SBK3: variants seen among roughly 807,000 people sequenced by gnomAD.
The protein encoded by SBK3 is SH3 domain binding kinase family member 3.
A neutral mutation model predicts 12.7 loss-of-function variants in SBK3; 16 were observed. That is an observed-to-expected ratio of 1.26 (90% CI 0.86 to 1.92). SBK3 has a LOEUF of 1.92. Ranked by LOEUF, SBK3 falls within the 40% of genes most tolerant of loss-of-function variation. The pLI is 0.00. For missense variants in SBK3, 462 were observed against 481.8 expected, an observed-to-expected ratio of 0.96 and a Z score of 0.38; for synonymous variants, 217 against 213.6, an observed-to-expected ratio of 1.02 and a Z score of -0.14.
chr19:55,543,991 T>C (rs749859236), intron 3 of SBK3, 109 bp downstream of exon 3: 24 of 891,838 alleles, frequency 2.7e-5, no homozygotes, highest in Non-Finnish European at 3.7e-5. Context: ...AGGGTGGAGA[T>C]GGATTGGGCG....
Position 55,545,526 on chromosome 19 carries a change from G to C in SBK3, c.18C>G (p.Ser6=). 2 of 1,534,522 alleles carry C rather than the reference G, an allele frequency of 1.3e-6. No individual in the cohort carries two copies. The highest frequency in any genetic ancestry group is 1.7e-6 in the Non-Finnish European group (2 of 1,146,156). The change falls in exon 1 of 4, where the codon TCC becomes TCG. Residue 6 remains serine (S), a synonymous_variant. Transcript: ENST00000612221. The surrounding 1 kb of genome is among the most constrained non-coding windows in gnomAD (Gnocchi z 4.4). MERRA[S]ETPEDGDPEE... The stretch of plus-strand genomic sequence containing the variant: ...CTGGGTCCCCATCCTCAGGGGTCTC[G>C]GAGGCCCTGCGCTCCATCTCAGGGC...
At chr19:55,544,751 C>T in intron 2 of SBK3, 48 bp downstream of exon 2, 9 of 1,446,704 alleles carry the variant, frequency 6.2e-6, no homozygotes, top group Non-Finnish European at 7.3e-6. Flanking sequence ...TCCGAGAATG[C>T]TTATTGTGGG....
Position 55,545,062 on chromosome 19 carries a change from C to G in SBK3, c.46-113G>C. The G allele has an allele frequency of 1.3e-6, 1 of 774,950 alleles. No individual in the cohort carries two copies. Among genetic ancestry groups the G allele is most frequent in the Non-Finnish European group, 2.0e-6 (1 of 497,522 alleles). 48.0% of individuals were successfully genotyped at this position (774,950 alleles called of 1,614,324 possible). ...GGAGGGTGGGGCAGGGGACAGGGGT[C>G]ACTGTCCCCAGAGAGGAGGATGAGT... On this transcript the variant is annotated intron_variant, in intron 1 of 3. Transcript: ENST00000612221. The surrounding 1 kb of genome is among the most constrained non-coding windows in gnomAD (Gnocchi z 4.4).
intron 2 of SBK3, 112 bp from the exon 3 acceptor site, chr19:55,544,414 C>T (rs1011471658): frequency 4.8e-6 from 4 of 837,126 alleles, no homozygotes; most frequent in African/African-American, 3.4e-5. Flanking sequence ...GCAGCACGGG[C>T]TCCCCTGTCT....
chr19:55,541,494 C>A lies in SBK3; in HGVS notation c.432G>T (p.Val144=). The A allele has an allele frequency of 6.6e-7, 1 of 1,525,060 alleles. No homozygotes were observed. The allele number at this position is 1,525,060 out of a possible 1,614,324, so 94.5% of individuals were successfully genotyped here. Reference sequence around the variant, plus strand: ...AGTCCAGAGCTCCTGCCAACTGGGCCACCACCCGCTTCACCAGCAGTTCTG... The same window carrying A: ...AGTCCAGAGCTCCTGCCAACTGGGCAACCACCCGCTTCACCAGCAGTTCTG... ...GLPELLVKRV[V]AQLAGALDFL... is the part of the protein sequence containing the mutation. The change falls in exon 4 of 4, where the codon GTG becomes GTT. Residue 144 remains valine, a synonymous_variant. Transcript: ENST00000612221. This position sits in a 1 kb window ranked among gnomAD's most constrained non-coding sequence, Gnocchi z 5.3.
rs188792209 is a variant in SBK3 at position 55,544,477 on chromosome 19, C to T, written c.197-175G>A. 2.6e-5 allele frequency among the ~76,000 whole-genome samples: 4 copies of T among 152,250 alleles called. No individual in the cohort carries two copies. The East Asian group carries it at 7.8e-4, about 30-fold the overall frequency. ...TTTGAAGACCCTCCCTGCTCTGCCTCGGACTGCGGCGTGGGCTTGCACAGC... is the reference window on the plus strand; with the variant it reads ...TTTGAAGACCCTCCCTGCTCTGCCTTGGACTGCGGCGTGGGCTTGCACAGC... On this transcript the variant is annotated intron_variant, in intron 2 of 3. Transcript: ENST00000612221.
chr19:55,541,530 A>G lies in SBK3; in HGVS notation c.400-4T>C. 1 of 1,501,594 alleles carries G rather than the reference A, an allele frequency of 6.7e-7. No homozygotes were observed. The highest frequency in any genetic ancestry group is 2.1e-5 in the Admixed American group (1 of 48,328). 93.0% of individuals were successfully genotyped at this position (1,501,594 alleles called of 1,614,324 possible). A position where few individuals can be genotyped will look rare whatever the true frequency, so the allele number is the denominator to read the frequency against. On this transcript the variant is annotated splice_polypyrimidine_tract_variant and splice_region_variant and intron_variant, in intron 3 of 3. Coordinates refer to ENST00000612221, the MANE Select transcript of SBK3 (RefSeq NM_001199824.2). The surrounding 1 kb of genome is among the most constrained non-coding windows in gnomAD (Gnocchi z 5.3). ...TCACCAGCAGTTCTGGGAGGCCCTG[A>G]GGTCAAGAAGACAGGAGGAGGGTCA...
chr19:55,545,464 C>G lies in SBK3; in HGVS notation c.45+35G>C. On this transcript the variant is annotated intron_variant, in intron 1 of 3. Coordinates refer to ENST00000612221, the MANE Select transcript of SBK3 (RefSeq NM_001199824.2). This position sits in a 1 kb window ranked among gnomAD's most constrained non-coding sequence, Gnocchi z 4.4. ...TCCTGCCTCTCTCTCCTTCTTTTCTCTCTCTGTCTTCCTCCCCTGGCTCCC... is the reference window on the plus strand; with the variant it reads ...TCCTGCCTCTCTCTCCTTCTTTTCTGTCTCTGTCTTCCTCCCCTGGCTCCC... 1 of 1,487,858 alleles carries G rather than the reference C, an allele frequency of 6.7e-7. No homozygotes were observed. Among genetic ancestry groups the G allele is most frequent in the South Asian group, 1.2e-5 (1 of 82,856 alleles). 92.2% of individuals were successfully genotyped at this position (1,487,858 alleles called of 1,614,324 possible). A position where few individuals can be genotyped will look rare whatever the true frequency, so the allele number is the denominator to read the frequency against.
chr19:55,545,283 G>C lies in SBK3; in HGVS notation c.45+216C>G. 2 of 590,024 alleles carry C rather than the reference G, an allele frequency of 3.4e-6. No homozygotes were observed. Among genetic ancestry groups the C allele is most frequent in the Non-Finnish European group, 6.0e-6 (2 of 333,150 alleles). The allele number at this position is 590,024 out of a possible 1,614,324, so 36.5% of individuals were successfully genotyped here. A position where few individuals can be genotyped will look rare whatever the true frequency, so the allele number is the denominator to read the frequency against. On this transcript the variant is annotated intron_variant, in intron 1 of 3. Transcript: ENST00000612221. This position sits in a 1 kb window ranked among gnomAD's most constrained non-coding sequence, Gnocchi z 4.4. ...TCTCTCCACCGTCCTCTTCCCCTGT[G>C]CATCCCGCTGTGTGTTTCTGAGTCC...
chr19:55,544,167 G>A lies in SBK3; in HGVS notation c.332C>T (p.Pro111Leu). The change falls in exon 3 of 4, where the codon CCC becomes CTC. Residue 111 changes from proline to leucine, a missense_variant. Transcript: ENST00000612221. ...CTCCTGGGCGAAGGCAAAATAGCGG[G>A]GGGTCTGTAGGGGTCCTGCCAGGGT... is the stretch of plus-strand genomic sequence containing the variant. Reference protein sequence around the residue: ...LQTLAGPLQTPRYFAFAQEYA... With the variant: ...LQTLAGPLQTLRYFAFAQEYA... 1 of 1,535,556 alleles carries A rather than the reference G, an allele frequency of 6.5e-7. No individual in the cohort carries two copies. Among genetic ancestry groups the A allele is most frequent in the Non-Finnish European group, 8.7e-7 (1 of 1,146,668 alleles).
chr19:55,542,255 C>T (rs1988569405), intron 3 of SBK3, among the ~76,000 whole-genome samples: 1 of 152,180 alleles, frequency 6.6e-6, no homozygotes, highest in South Asian at 2.1e-4. Context: ...AACCAGTCAG[C>T]AATCCAATAA....
intron 2 of SBK3, 60 bp from the exon 3 acceptor site, chr19:55,544,362 A>G (rs1335485295): frequency 2.3e-6 from 3 of 1,332,148 alleles, no homozygotes; most frequent in South Asian, 2.7e-5. Context: ...GTGGGGCCTG[A>G]GGGAAGCCGT....
rs1449751421 is a variant in SBK3, at chr19:55,541,681, T to C, written c.400-155A>G. 6.6e-6 allele frequency among the ~76,000 whole-genome samples: 1 copy of C among 152,166 alleles called. No homozygotes were observed. Among genetic ancestry groups the C allele is most frequent in the Non-Finnish European group, 1.5e-5 (1 of 68,036 alleles). ...AGGCATGAGGCACTGCACCAGTTGG[T>C]TCCTTCTGAATAATTTTTGAAAGAG... On this transcript the variant is annotated intron_variant, in intron 3 of 3. Transcript: ENST00000612221. This position sits in a 1 kb window ranked among gnomAD's most constrained non-coding sequence, Gnocchi z 5.3.
rs1417622310 is a variant in SBK3, at chr19:55,544,173, T to C, written c.326A>G (p.Gln109Arg). The change falls in exon 3 of 4, where the codon CAG (glutamine) becomes CGG (arginine). Residue 109 changes from glutamine to arginine, a missense_variant. Gln to Arg is a conservative substitution (Grantham distance 43, BLOSUM62 1). Transcript: ENST00000612221. Reference protein sequence around the residue: ...GLLQTLAGPLQTPRYFAFAQE... With the variant: ...GLLQTLAGPLRTPRYFAFAQE... ...GGCGAAGGCAAAATAGCGGGGGGTC[T>C]GTAGGGGTCCTGCCAGGGTCTGCAG... The C allele has an allele frequency of 9.1e-6, 14 of 1,535,608 alleles. No homozygotes were observed. The highest frequency in any genetic ancestry group is 1.2e-5 in the Non-Finnish European group (14 of 1,146,746).
At chr19:55,543,578 C>T (rs1286271825) in intron 3 of SBK3, among the ~76,000 whole-genome samples, 3 of 151,914 alleles carry the variant, frequency 2.0e-5, no homozygotes, top group Non-Finnish European at 2.9e-5. Flanking sequence ...TCTCCAAACT[C>T]GAGAGACCCT....
Position 55,541,138 on chromosome 19 carries a change from G to A in SBK3, c.788C>T (p.Pro263Leu), listed in dbSNP as rs989000434. 1 of 1,535,706 alleles carries A rather than the reference G, an allele frequency of 6.5e-7. No homozygotes were observed. ...EAFAGWVTTK[P>L]QPPQPPPPWD... ...GGGTGGTGGTGGCTGAGGTGGCTGA[G>A]GCTTGGTGGTCACCCAGCCAGCGAA... Residue 263 changes from proline (P) to leucine (L), a missense_variant, in exon 4 of 4, where the codon CCT (proline) becomes CTT (leucine). Coordinates refer to ENST00000612221, the MANE Select transcript of SBK3 (RefSeq NM_001199824.2). The surrounding 1 kb of genome is among the most constrained non-coding windows in gnomAD (Gnocchi z 5.3).
rs73067164 is a variant in SBK3 at position 55,540,915 on chromosome 19, C to T, written c.1011G>A (p.Glu337=). The change falls in exon 4 of 4, where the codon GAG becomes GAA. Residue 337 remains glutamate, a synonymous_variant. Transcript: ENST00000612221. ...TGTCATCACCCTCATCTGTCCACTC[C>T]TCCAGGCTTGAGCCTCCCTCCTCCC... The part of the protein sequence containing the change: ...EDREEGGSSL[E]EWTDEGDDSK... The T allele has an allele frequency of 0.019, 28,818 of 1,536,190 alleles. 373 individuals carry two copies. The highest frequency in any genetic ancestry group is 0.049 in the South Asian group (4,104 of 84,050).
rs368790543 is a variant in SBK3 at position 55,544,139 on chromosome 19, G to T, written c.360C>A (p.Tyr120Ter). 4 of 1,532,654 alleles carry T rather than the reference G, an allele frequency of 2.6e-6. No individual in the cohort carries two copies. The highest frequency in any genetic ancestry group is 3.5e-6 in the Non-Finnish European group (4 of 1,145,328). 94.9% of individuals were successfully genotyped at this position (1,532,654 alleles called of 1,614,324 possible). Residue 120 changes from tyrosine (Y) to a stop codon, truncating the protein, a stop_gained, in exon 3 of 4, where the codon TAC (tyrosine) becomes TAA (stop). Transcript: ENST00000612221. LOFTEE classifies it low-confidence loss of function (END_TRUNC). Reference protein sequence around the residue: ...TPRYFAFAQEYAPCGDLSGML... With the variant: ...TPRYFAFAQE Reference sequence around the variant, plus strand: ...TCCCGCTGAGGTCCCCACAGGGCGCGTACTCCTGGGCGAAGGCAAAATAGC... The same window carrying T: ...TCCCGCTGAGGTCCCCACAGGGCGCTTACTCCTGGGCGAAGGCAAAATAGC...
rs760769678 is a variant in SBK3, at chr19:55,540,676, G to T, written c.*170C>A. On this transcript the variant is annotated 3_prime_UTR_variant, in exon 4 of 4. Transcript: ENST00000612221. Reference sequence around the variant, plus strand: ...AGGAGGGGCAGGAGCTGGGCTCTTGGGTCCTCAGTTGGAAGAGGAATGCGC... The same window carrying T: ...AGGAGGGGCAGGAGCTGGGCTCTTGTGTCCTCAGTTGGAAGAGGAATGCGC... 1 of 666,462 alleles carries T rather than the reference G, an allele frequency of 1.5e-6. No individual in the cohort carries two copies. Among genetic ancestry groups the T allele is most frequent in the Non-Finnish European group, 2.7e-6 (1 of 371,366 alleles). 41.3% of individuals were successfully genotyped at this position (666,462 alleles called of 1,614,324 possible). A position where few individuals can be genotyped will look rare whatever the true frequency, so the allele number is the denominator to read the frequency against.
Sources: gnomAD v4.1 joint callset for allele counts (sites outside exome capture counted in the v4.1 genomes callset) on GRCh38, gnomAD v4.1.1 for gene constraint, Gnocchi (gnomAD v3.1) non-coding constraint, MANE v1.5 for transcripts, NCBI Gene and HGNC (gene_info 2026-07-23, HGNC 2026-07-21) for gene names.